LAMA1: variants seen among roughly 807,000 people sequenced by gnomAD.
LAMA1 encodes the protein laminin subunit alpha-1.
In LAMA1, 219 loss-of-function variants were observed where a neutral mutation model predicts 348.7. The observed-to-expected ratio is 0.63, with a 90% CI of 0.56 to 0.70. The LOEUF is 0.70. Among genes scored for constraint, LAMA1 ranks in the 30% least tolerant of loss-of-function variants. The pLI, the probability that LAMA1 is intolerant of heterozygous loss-of-function variation, is 0.00. For missense variants in LAMA1, 3,744 were observed against 3,888.0 expected (o/e 0.96, Z 0.99); for synonymous variants, 1,487 against 1,491.0 (o/e 1.00, Z 0.06).
At chr18:7,099,287 A>T (rs964902670) in intron 1 of LAMA1, among the ~76,000 whole-genome samples, 4 of 150,686 alleles carry the variant, frequency 2.7e-5, no homozygotes, top group South Asian at 4.3e-4. Context: ...GTTAAGAGTC[A>T]TCACCACTCC....
At chr18:6,988,060 G>A (rs934235961) in intron 36 of LAMA1, among the ~76,000 whole-genome samples, 2 of 152,120 alleles carry the variant, frequency 1.3e-5, no homozygotes, top group African/African-American at 4.8e-5. Context: ...GTTGCAGTGA[G>A]CTGAGATTGC....
At chr18:6,978,478 G>A (rs1319739759) in intron 42 of LAMA1, 100 bp from the exon 43 acceptor site, 1 of 1,136,010 alleles carries the variant, frequency 8.8e-7, no homozygotes, top group African/African-American at 1.5e-5. Flanking sequence ...ATATATTATT[G>A]TCATATTACT....
rs554480046 is a variant in LAMA1 at position 6,989,345 on chromosome 18, G to C, written c.5169-2998C>G. On this transcript the variant is annotated intron_variant, in intron 36 of 62. Transcript: ENST00000389658. ...TACAGTTATATGCTGAATCCTGGGG[G>C]TCCTGGTGAAACTCTGAATGTGGTG... Among the ~76,000 whole-genome samples the C allele has an allele frequency of 2.6e-5, 4 of 152,104 alleles. No individual in the cohort carries two copies. The South Asian group carries it at 8.3e-4, about 32-fold the overall frequency.
intron 49 of LAMA1, 193 bp downstream of exon 49, chr18:6,965,953 CA>C (rs1355655373): frequency 9.5e-6 from 6 of 630,012 alleles, no homozygotes; most frequent in Non-Finnish European, 1.6e-5. Flanking sequence ...AAAGGTTCTA[CA>C]ATGATAATAA....
At chr18:7,063,892 T>A (rs1411620660) in intron 3 of LAMA1, among the ~76,000 whole-genome samples, 1 of 151,542 alleles carries the variant, frequency 6.6e-6, no homozygotes, top group Non-Finnish European at 1.5e-5. Flanking sequence ...GGGTACAGAG[T>A]TTCTGTTTGG....
At chr18:6,979,094 C>T (rs2057696548) in intron 42 of LAMA1, among the ~76,000 whole-genome samples, 1 of 152,042 alleles carries the variant, frequency 6.6e-6, no homozygotes. Context: ...GGCCTTTTTA[C>T]TTTTCCTGAA....
At chr18:7,110,538 T>G (rs1322712353) in intron 1 of LAMA1, among the ~76,000 whole-genome samples, 1 of 152,114 alleles carries the variant, frequency 6.6e-6, no homozygotes, top group African/African-American at 2.4e-5. Context: ...ATGTGTGGTG[T>G]AGGCTGGACA....
intron 3 of LAMA1, among the ~76,000 whole-genome samples, chr18:7,064,787 T>A (rs1161801108): frequency 1.3e-5 from 2 of 152,204 alleles, no homozygotes; most frequent in Non-Finnish European, 2.9e-5. Context: ...GATAAATATC[T>A]TCTGATTACA....
chr18:7,011,830 C>G (rs554956149), intron 24 of LAMA1, among the ~76,000 whole-genome samples, 165 bp downstream of exon 24: 2 of 152,364 alleles, frequency 1.3e-5, no homozygotes, highest in Non-Finnish European at 2.9e-5. Flanking sequence ...CCTCGGCCAG[C>G]AGAAGCTGAG....
Position 7,088,934 on chromosome 18 carries a change from G to C in LAMA1, c.62-8477C>G, listed in dbSNP as rs1226668696. 2.6e-5 allele frequency among the ~76,000 whole-genome samples: 4 copies of C among 152,220 alleles called. 1 individual carries two copies. Among genetic ancestry groups the C allele is most frequent in the African/African-American group, 7.2e-5 (3 of 41,528 alleles). ...AGGCAAGAGGATCGCTTGAGCCTAG[G>C]AGCTCGAGGTTGCAGAGCTATGATT... On this transcript the variant is annotated intron_variant, in intron 1 of 62. Coordinates refer to ENST00000389658, the MANE Select transcript of LAMA1 (RefSeq NM_005559.4).
At chr18:6,995,326 G>A (rs1568022977) in intron 34 of LAMA1, 31 bp downstream of exon 34, 2 of 1,478,216 alleles carry the variant, frequency 1.4e-6, no homozygotes, top group Admixed American at 3.3e-5. Flanking sequence ...GGGACCAGGA[G>A]GAAGGTTGGT....
chr18:6,963,162 T>C (rs1281343824), intron 51 of LAMA1, among the ~76,000 whole-genome samples: 1 of 152,166 alleles, frequency 6.6e-6, no homozygotes, highest in Non-Finnish European at 1.5e-5. Context: ...TTTCTTTCCA[T>C]GTAAACGAGG....
intron 3 of LAMA1, among the ~76,000 whole-genome samples, chr18:7,064,239 G>A (rs1350717987): frequency 6.6e-6 from 1 of 151,856 alleles, no homozygotes; most frequent in East Asian, 1.9e-4. Context: ...GGTTACAATG[G>A]TAAATTTTAT....
At position 7,032,083 on chromosome 18, in the gene LAMA1, C is replaced by T; in HGVS notation, c.2257G>A (p.Val753Ile). The T allele has an allele frequency of 6.2e-7, 1 of 1,614,100 alleles. No homozygotes were observed. The highest frequency in any genetic ancestry group is 8.5e-7 in the Non-Finnish European group (1 of 1,179,960). ...ECHGHAAECN[V>I]HGVCIACAHN... ...AGACTCACAATGCAAACGCCGTGAA[C>T]ATTACACTCAGCTGCATGGCCGTGG... The change falls in exon 16 of 63, where the codon GTT becomes ATT. Residue 753 changes from valine (V) to isoleucine (I), a missense_variant. Val to Ile is a conservative substitution (Grantham distance 29, BLOSUM62 3). Coordinates refer to ENST00000389658, the MANE Select transcript of LAMA1 (RefSeq NM_005559.4).
chr18:7,058,014 G>A (rs1432930172), intron 3 of LAMA1, among the ~76,000 whole-genome samples: 4 of 151,340 alleles, frequency 2.6e-5, no homozygotes, highest in Admixed American at 6.6e-5. Flanking sequence ...AACTTGGCTA[G>A]GCTGGTCTTG....
chr18:6,961,313 C>T (rs1186336903), intron 53 of LAMA1, among the ~76,000 whole-genome samples: 1 of 152,180 alleles, frequency 6.6e-6, no homozygotes, highest in Non-Finnish European at 1.5e-5. Flanking sequence ...TCCGTATATG[C>T]TATCTGAATG....
intron 9 of LAMA1, 21 bp from the exon 10 acceptor site, chr18:7,040,257 A>T (rs566054823): frequency 6.2e-7 from 1 of 1,613,840 alleles, no homozygotes; most frequent in East Asian, 2.2e-5. Context: ...AACAATGGCA[A>T]TGACCCAACA....
chr18:7,021,433 C>G (rs2057914864), intron 19 of LAMA1, among the ~76,000 whole-genome samples: 1 of 152,072 alleles, frequency 6.6e-6, no homozygotes, highest in South Asian at 2.1e-4. Context: ...ATTTTTGGTA[C>G]AGGACGGAAA....
intron 44 of LAMA1, 82 bp downstream of exon 44, chr18:6,977,645 T>C: frequency 6.5e-7 from 1 of 1,548,600 alleles, no homozygotes. Flanking sequence ...GCAGTGTGAC[T>C]GAGGGCCATG....
Sources: gnomAD v4.1 joint callset for allele counts (sites outside exome capture counted in the v4.1 genomes callset) on GRCh38, gnomAD v4.1.1 for gene constraint, MANE v1.5 for transcripts, NCBI Gene and HGNC (gene_info 2026-07-23, HGNC 2026-07-21) for gene names.